Variants in ZNF763 observed in about 807,000 individuals in gnomAD.
ZNF763 encodes the protein zinc finger protein 763, also known as DNA-binding protein.
In ZNF763, 33 loss-of-function variants were observed where a neutral mutation model predicts 38.0. The observed-to-expected ratio is 0.87, with a 90% confidence interval of 0.66 to 1.16. ZNF763 has a LOEUF of 1.16. Among genes scored for constraint, ZNF763 ranks in the 50% most tolerant of loss-of-function variants. The pLI is 0.00. For synonymous variants in ZNF763, 155 were observed against 160.1 expected (o/e 0.97, Z 0.24); for missense variants, 423 against 469.1 (o/e 0.90, Z 0.91).
At position 11,965,215 on chromosome 19, in the gene ZNF763, C is replaced by A. The variant is rs560880732; in HGVS notation, c.3+4C>A. On this transcript the variant is annotated splice_donor_region_variant and intron_variant, in intron 1 of 3. Transcript: ENST00000358987. ...GACATCTGAAAGCCAGGAAATGGTG[C>A]GTGTGCATAGCCGGTTGTCCCGAGA... The A allele has an allele frequency of 6.2e-7, 1 of 1,613,894 alleles. No homozygotes were observed. The highest frequency in any genetic ancestry group is 8.5e-7 in the Non-Finnish European group (1 of 1,179,930).
Position 11,978,484 on chromosome 19 carries a change from T to A in ZNF763, c.560T>A (p.Ile187Asn). ...AAAACCTTTATTTCCCATTCAGGCA[T>A]TCGAAGACGCATGGTAATGCACAGT... ...CGKTFISHSG[I>N]RRRMVMHSGD... The change falls in exon 4 of 4, where the codon ATT (isoleucine) becomes AAT (asparagine). Residue 187 changes from isoleucine to asparagine, a missense_variant. Ile to Asn is a moderately radical substitution (Grantham distance 149). Coordinates refer to ENST00000358987, the MANE Select transcript of ZNF763 (RefSeq NM_001367172.2). 1 of 1,614,202 alleles carries A rather than the reference T, an allele frequency of 6.2e-7. No homozygotes were observed. The highest frequency in any genetic ancestry group is 1.1e-5 in the South Asian group (1 of 91,086).
rs973470974 is a variant in ZNF763, at chr19:11,977,069, A to T, written c.35A>T (p.Asn12Ile). The T allele has an allele frequency of 6.2e-7, 1 of 1,614,038 alleles. No individual in the cohort carries two copies. The highest frequency in any genetic ancestry group is 1.3e-5 in the African/African-American group (1 of 74,912). The change falls in exon 2 of 4, where the codon AAC becomes ATC. Residue 12 changes from asparagine (N) to isoleucine (I), a missense_variant. Coordinates refer to ENST00000358987, the MANE Select transcript of ZNF763 (RefSeq NM_001367172.2). Reference protein sequence around the residue: ...DPVACEDVAVNFTQEEWALLD... With the variant: ...DPVACEDVAVIFTQEEWALLD... ...GTGGCCTGTGAGGATGTTGCTGTGA[A>T]CTTCACCCAGGAGGAGTGGGCTTTG...
At chr19:11,967,118 T>G (rs1973248150) in intron 1 of ZNF763, among the ~76,000 whole-genome samples, 1 of 152,152 alleles carries the variant, frequency 6.6e-6, no homozygotes, top group Non-Finnish European at 1.5e-5. Flanking sequence ...GAGGATCACT[T>G]GAGGTCAAGA....
intron 1 of ZNF763, among the ~76,000 whole-genome samples, chr19:11,968,786 G>A (rs781194647): frequency 2.6e-5 from 4 of 152,120 alleles, no homozygotes; most frequent in South Asian, 2.1e-4. Flanking sequence ...TTGGGAGGCC[G>A]AGGCAGGTGG....
At chr19:11,977,527 C>A in intron 3 of ZNF763, 96 bp downstream of exon 3, 2 of 1,407,746 alleles carry the variant, frequency 1.4e-6, no homozygotes, top group Non-Finnish European at 2.0e-6. Flanking sequence ...AGTCCAGTAT[C>A]AAATTCATCT....
chr19:11,977,265 G>C, intron 2 of ZNF763, 101 bp downstream of exon 2: 2 of 1,603,200 alleles, frequency 1.2e-6, no homozygotes, highest in Admixed American at 1.7e-5. Context: ...GAAATACTTT[G>C]ATGAATAAAT....
chr19:11,973,004 T>A (rs1452086381), intron 1 of ZNF763, among the ~76,000 whole-genome samples: 1 of 152,216 alleles, frequency 6.6e-6, no homozygotes, highest in African/African-American at 2.4e-5. Flanking sequence ...ATATTACATG[T>A]GAACACGATG....
rs1255540941 is a variant in ZNF763 at position 11,980,442 on chromosome 19, G to C, written c.*1333G>C. ...AGGGGATGTCAGCTCTAGACTCCTG[G>C]AGCTGTTTTTGCCTTATTCTCTAAA... is the stretch of plus-strand genomic sequence containing the variant. On this transcript the variant is annotated 3_prime_UTR_variant, in exon 4 of 4. Transcript: ENST00000358987. 6.4e-6 allele frequency: 1 copy of C among 155,168 alleles called. No individual in the cohort carries two copies. Among genetic ancestry groups the C allele is most frequent in the Non-Finnish European group, 1.4e-5 (1 of 70,504 alleles). The allele number at this position is 155,168 out of a possible 1,614,324, so 9.6% of individuals were successfully genotyped here. A position where few individuals can be genotyped will look rare whatever the true frequency, so the allele number is the denominator to read the frequency against.
At chr19:11,966,556 TAA>T (rs1193962069) in intron 1 of ZNF763, among the ~76,000 whole-genome samples, 1 of 152,090 alleles carries the variant, frequency 6.6e-6, no homozygotes, top group Non-Finnish European at 1.5e-5. Flanking sequence ...GTATTTTTAG[TAA>T]AGATTGGGCT....
At position 11,977,483 on chromosome 19, in the gene ZNF763, A is replaced by G. The variant is rs1009569177; in HGVS notation, c.191+52A>G. 3 of 1,587,422 alleles carry G rather than the reference A, an allele frequency of 1.9e-6. No individual in the cohort carries two copies. In the Admixed American group the frequency reaches 5.2e-5, roughly 28 times the overall value. On this transcript the variant is annotated intron_variant, in intron 3 of 3. Transcript: ENST00000358987. ...TGTCTCTAGATGATTTTAGTATATG[A>G]TAATATGTTGAAGAGAAGTAAAACA...
Position 11,976,741 on chromosome 19 carries a change from C to T in ZNF763, c.4-297C>T, listed in dbSNP as rs189558526. On this transcript the variant is annotated intron_variant, in intron 1 of 3. Transcript: ENST00000358987. ...ATTAGCCGGGTGTGGTGGCGCATGC[C>T]TGTAATCCCAGCTACTCGGGAGGCT... 131 of 482,000 alleles carry T rather than the reference C, an allele frequency of 2.7e-4. 1 individual carries two copies. The East Asian group carries it at 9.0e-3, about 33-fold the overall frequency. The allele number at this position is 482,000 out of a possible 1,614,324, so 29.9% of individuals were successfully genotyped here.
At chr19:11,970,693 AG>A (rs1973332994) in intron 1 of ZNF763, among the ~76,000 whole-genome samples, 1 of 152,116 alleles carries the variant, frequency 6.6e-6, no homozygotes, top group South Asian at 2.1e-4. Flanking sequence ...ACACTTTGGG[AG>A]GCTGAGGCTG....
At chr19:11,976,562 A>AAG (rs1973494788) in intron 1 of ZNF763, among the ~76,000 whole-genome samples, 1 of 149,872 alleles carries the variant, frequency 6.7e-6, no homozygotes, top group African/African-American at 2.5e-5. Flanking sequence ...TCTCAAAAAA[A>AAG]AAAAAAAAAA....
intron 1 of ZNF763, among the ~76,000 whole-genome samples, chr19:11,971,922 C>T (rs1372188180): frequency 6.6e-6 from 1 of 151,898 alleles, no homozygotes; most frequent in Admixed American, 6.6e-5. Context: ...ATTAGCCAGG[C>T]GTGGTGGCAG....
chr19:11,970,653 T>C (rs1301955501), intron 1 of ZNF763, among the ~76,000 whole-genome samples: 1 of 152,172 alleles, frequency 6.6e-6, no homozygotes, highest in Non-Finnish European at 1.5e-5. Flanking sequence ...TTACCTTAAA[T>C]AGATGTCCAG....
rs925403252 is a variant in ZNF763, at chr19:11,979,346, G to A, written c.*237G>A. 11 of 1,611,086 alleles carry A rather than the reference G, an allele frequency of 6.8e-6. No homozygotes were observed. Among genetic ancestry groups the A allele is most frequent in the Admixed American group, 1.7e-5 (1 of 59,698 alleles). On this transcript the variant is annotated 3_prime_UTR_variant, in exon 4 of 4. Transcript: ENST00000358987. ...CGAAGGCATGGTAGGACTCACTGGA[G>A]AGAAACCCTATGAGTGTAAGGAATG...
At chr19:11,967,019 TAC>T (rs769411246) in intron 1 of ZNF763, among the ~76,000 whole-genome samples, 3 of 152,172 alleles carry the variant, frequency 2.0e-5, no homozygotes, top group Non-Finnish European at 2.9e-5. Flanking sequence ...AGTCGCAATG[TAC>T]AGTGTGTAGA....
At position 11,978,860 on chromosome 19, in the gene ZNF763, T is replaced by G. The variant is rs1490862388; in HGVS notation, c.936T>G (p.Cys312Trp). Reference protein sequence around the residue: ...HERTHTGEKPCECSKCNKAFR... With the variant: ...HERTHTGEKPWECSKCNKAFR... Reference sequence around the variant, plus strand: ...GAACTCACACTGGGGAGAAGCCCTGTGAATGTAGCAAATGTAATAAAGCAT... The same window carrying G: ...GAACTCACACTGGGGAGAAGCCCTGGGAATGTAGCAAATGTAATAAAGCAT... Residue 312 changes from cysteine (C) to tryptophan (W), a missense_variant, in exon 4 of 4, where the codon TGT becomes TGG. Transcript: ENST00000358987. The G allele has an allele frequency of 2.5e-6, 4 of 1,614,186 alleles. No individual in the cohort carries two copies. Among genetic ancestry groups the G allele is most frequent in the Non-Finnish European group, 3.4e-6 (4 of 1,180,032 alleles).
Position 11,965,538 on chromosome 19 carries a change from G to A in ZNF763, c.3+327G>A, listed in dbSNP as rs377113496. ...TCATGGGGGAAATCCTGACTCGTGT[G>A]TAGGGTTCGTGCGTGGGAGGAGCAG... On this transcript the variant is annotated intron_variant, in intron 1 of 3. Transcript: ENST00000358987. 3.0e-4 allele frequency among the ~76,000 whole-genome samples: 46 copies of A among 152,366 alleles called. No individual in the cohort carries two copies. The South Asian group carries it at 8.9e-3, about 29-fold the overall frequency.
Sources: allele counts gnomAD v4.1 joint callset (sites outside exome capture counted in the v4.1 genomes callset), GRCh38; gene constraint gnomAD v4.1.1; transcripts MANE v1.5; gene names NCBI Gene and HGNC (gene_info 2026-07-23, HGNC 2026-07-21).